TMEM67: variants seen among roughly 807,000 people sequenced by gnomAD.
TMEM67 encodes transmembrane protein 67.
A neutral mutation model predicts 136.6 loss-of-function variants in TMEM67; 124 were observed. The observed-to-expected ratio is 0.91, with a 90% CI of 0.78 to 1.05. The LOEUF is 1.05. Among genes scored for constraint, TMEM67 ranks in the 50% least tolerant of loss-of-function variants. The pLI, the probability that TMEM67 is intolerant of heterozygous loss-of-function variation, is 0.00. For synonymous variants in TMEM67, 364 were observed against 390.5 expected (o/e 0.93, Z 0.80); for missense variants, 1,107 against 1,178.4 (o/e 0.94, Z 0.89).
downstream of TMEM67, among the ~76,000 whole-genome samples, chr8:93,821,775 C>T (rs1240884329): frequency 6.6e-6 from 1 of 152,160 alleles, no homozygotes; most frequent in Non-Finnish European, 1.5e-5. Context: ...TGGCATGTGC[C>T]TGTAGTCCCA....
At chr8:93,830,676 C>T in the TMEM67 span, among the ~76,000 whole-genome samples, 2 of 152,206 alleles carry the variant, frequency 1.3e-5, no homozygotes, top group African/African-American at 2.4e-5. Flanking sequence ...GGAAAAAGCA[C>T]ACTGAGTGTT....
Position 93,809,113 on chromosome 8 carries a change from A to T in TMEM67, c.2613A>T (p.Ile871=). 1 of 1,610,536 alleles carries T rather than the reference A, an allele frequency of 6.2e-7. No individual in the cohort carries two copies. The highest frequency in any genetic ancestry group is 8.5e-7 in the Non-Finnish European group (1 of 1,177,302). Residue 871 remains isoleucine (I), a synonymous_variant, in exon 25 of 28, where the codon ATA becomes ATT. Transcript: ENST00000453321. ...SSSASTFEQS[I]KAYHMMNKFL... ...CAGCAAGTACTTTTGAGCAGAGTAT[A>T]AAAGCATATCATATGATGAATAAAT...
intron 21 of TMEM67, among the ~76,000 whole-genome samples, chr8:93,800,117 G>T (rs1814804808): frequency 6.6e-6 from 1 of 151,864 alleles, no homozygotes; most frequent in Non-Finnish European, 1.5e-5. Context: ...TACCATGTTG[G>T]TCAGGCTGGT....
intron 16 of TMEM67, 173 bp from the exon 17 acceptor site, chr8:93,795,236 G>T: frequency 1.5e-6 from 1 of 659,176 alleles, no homozygotes; most frequent in East Asian, 2.7e-5. Context: ...GGAGCCAAAA[G>T]GTAGCAAGGA....
chr8:93,826,828 T>G, the TMEM67 span, among the ~76,000 whole-genome samples: 1 of 152,128 alleles, frequency 6.6e-6, no homozygotes, highest in Non-Finnish European at 1.5e-5. Flanking sequence ...TTATGTTTAT[T>G]TATTTATTAT....
chr8:93,781,092 C>G, intron 9 of TMEM67, 110 bp downstream of exon 9: 1 of 742,878 alleles, frequency 1.3e-6, no homozygotes, highest in Non-Finnish European at 2.4e-6. Context: ...AACTCAGTTA[C>G]TAAACTAAAT....
At chr8:93,792,608 A>C (rs1469729514) in intron 15 of TMEM67, among the ~76,000 whole-genome samples, 2 of 152,082 alleles carry the variant, frequency 1.3e-5, no homozygotes, top group Admixed American at 6.5e-5. Flanking sequence ...TATAAGGAGA[A>C]ACTCCCTTTG....
In TMEM67 at chr8:93,761,399, A is replaced by C. The variant is rs201314675; in HGVS notation, c.407-2443A>C. On this transcript the variant is annotated intron_variant, in intron 3 of 27. Coordinates refer to ENST00000453321, the MANE Select transcript of TMEM67 (RefSeq NM_153704.6). ...ATGGGAAAAATTTTAAGTTGGTGCAACCTCTGTGGAAAGCAAATTTATGGT... is the reference window on the plus strand; with the variant it reads ...ATGGGAAAAATTTTAAGTTGGTGCACCCTCTGTGGAAAGCAAATTTATGGT... 5.9e-5 allele frequency among the ~76,000 whole-genome samples: 9 copies of C among 152,214 alleles called. No individual in the cohort carries two copies. In the East Asian group the frequency reaches 1.5e-3, roughly 26 times the overall value.
chr8:93,816,788 C>G lies in TMEM67; in HGVS notation c.*336C>G, dbSNP rs1291453873. 6.2e-6 allele frequency: 1 copy of G among 160,718 alleles called. No homozygotes were observed. The highest frequency in any genetic ancestry group is 1.4e-5 in the Non-Finnish European group (1 of 73,822). The allele number at this position is 160,718 out of a possible 1,614,324, so 10.0% of individuals were successfully genotyped here. On this transcript the variant is annotated 3_prime_UTR_variant, in exon 28 of 28. Coordinates refer to ENST00000453321, the MANE Select transcript of TMEM67 (RefSeq NM_153704.6). ...TTGTCTCTGTAGATTATTTTATAAACTGAGAGCTGCCTGAATCTTCTCACA... is the reference window on the plus strand; with the variant it reads ...TTGTCTCTGTAGATTATTTTATAAAGTGAGAGCTGCCTGAATCTTCTCACA...
At position 93,755,946 on chromosome 8, in the gene TMEM67, A is replaced by T. The variant is rs200070709; in HGVS notation, c.312+80A>T. The T allele has an allele frequency of 2.7e-4, 222 of 819,364 alleles. 3 individuals carry two copies. The East Asian group carries it at 6.1e-3, about 22-fold the overall frequency. The allele number at this position is 819,364 out of a possible 1,614,324, so 50.8% of individuals were successfully genotyped here. A position where few individuals can be genotyped will look rare whatever the true frequency, so the allele number is the denominator to read the frequency against. ...TCTTTATTTTTCAAAATATAATTTA[A>T]TGTTTAATGTTTCCCCACAGACTTT... On this transcript the variant is annotated intron_variant, in intron 2 of 27. Transcript: ENST00000453321.
chr8:93,817,830 G>A lies in TMEM67; in HGVS notation c.*1378G>A, dbSNP rs995416991. On this transcript the variant is annotated 3_prime_UTR_variant, in exon 28 of 28. Transcript: ENST00000453321. The stretch of plus-strand genomic sequence containing the variant: ...AGTCTTTGAAACTGCAGTTTCTGAA[G>A]GATCACAGTACAGGAATGCCTTTAT... 6.6e-6 allele frequency: 1 copy of A among 152,086 alleles called. No homozygotes were observed. Among genetic ancestry groups the A allele is most frequent in the Non-Finnish European group, 1.5e-5 (1 of 68,012 alleles). The allele number at this position is 152,086 out of a possible 1,614,324, so 9.4% of individuals were successfully genotyped here.
chr8:93,807,188 T>A (rs1317192907), intron 23 of TMEM67, among the ~76,000 whole-genome samples: 1 of 152,174 alleles, frequency 6.6e-6, no homozygotes, highest in East Asian at 1.9e-4. Flanking sequence ...GGTGGCAGGT[T>A]GAATTTATGC....
Position 93,782,421 on chromosome 8 carries a change from A to G in TMEM67, c.1092A>G (p.Leu364=). 1 of 1,613,144 alleles carries G rather than the reference A, an allele frequency of 6.2e-7. No individual in the cohort carries two copies. Among genetic ancestry groups the G allele is most frequent in the Non-Finnish European group, 8.5e-7 (1 of 1,179,596 alleles). ...LQLCPDTETR[L]NAAYSFGTTY... ...TTTGTCCAGACACAGAGACAAGGCT[A>G]AATGCTGCTTATTCATTTGGAACAA... is the stretch of plus-strand genomic sequence containing the variant. Residue 364 remains leucine, a synonymous_variant, in exon 11 of 28, where the codon CTA becomes CTG. Transcript: ENST00000453321.
intron 7 of TMEM67, among the ~76,000 whole-genome samples, chr8:93,776,038 G>A (rs1197876678): frequency 6.6e-6 from 1 of 152,136 alleles, no homozygotes; most frequent in Non-Finnish European, 1.5e-5. Context: ...TTGAGCAGTG[G>A]TTTGTAATTC....
intron 7 of TMEM67, 61 bp from the exon 8 acceptor site, chr8:93,780,532 T>A: frequency 6.2e-7 from 1 of 1,606,536 alleles, no homozygotes; most frequent in Non-Finnish European, 8.5e-7. Context: ...AATTTTTATA[T>A]CAACTTTTGC....
In TMEM67 at chr8:93,791,240, ATTTGT is replaced by A. The variant is rs1374534824; in HGVS notation, c.1519-14_1519-10del. 1 of 1,530,526 alleles carries A rather than the reference ATTTGT, an allele frequency of 6.5e-7. No homozygotes were observed. Among genetic ancestry groups the A allele is most frequent in the South Asian group, 1.1e-5 (1 of 88,298 alleles). 94.8% of individuals were successfully genotyped at this position (1,530,526 alleles called of 1,614,324 possible). ...GTATCATATAATTTCAGTATAGCTA[ATTTGT>A]TTTGTTTTAAATATCAGGTTTCTTT... On this transcript the variant is annotated intron_variant, in intron 14 of 27. Coordinates refer to ENST00000453321, the MANE Select transcript of TMEM67 (RefSeq NM_153704.6).
In TMEM67 at chr8:93,797,229, T is replaced by G. The variant is rs2130734693; in HGVS notation, c.1956T>G (p.Val652=). ...ERPKGKVLKA[V]EGEGGVRSAT... is the part of the protein sequence containing the mutation. ...CTAAAGGAAAGGTTCTTAAAGCTGT[T>G]GAAGGTAACTGAAATAAAAAATATT... Residue 652 remains valine, a synonymous_variant, in exon 19 of 28, where the codon GTT becomes GTG. Coordinates refer to ENST00000453321, the MANE Select transcript of TMEM67 (RefSeq NM_153704.6). 3 of 1,611,990 alleles carry G rather than the reference T, an allele frequency of 1.9e-6. No homozygotes were observed. The South Asian group carries it at 3.3e-5, about 18-fold the overall frequency.
At position 93,764,746 on chromosome 8, in the gene TMEM67, AT is replaced by A. The variant is rs899269936; in HGVS notation, c.507-652del. Among the ~76,000 whole-genome samples, 4 of 151,470 alleles carry A rather than the reference AT, an allele frequency of 2.6e-5. No homozygotes were observed. In the South Asian group the frequency reaches 6.3e-4, roughly 24 times the overall value. On this transcript the variant is annotated intron_variant, in intron 4 of 27. Transcript: ENST00000453321. ...CCTGAGTTATGGCATCCAAATACCAATTTTTTTTGCCCAATATTTCCCCAAG... is the reference window on the plus strand; with the variant it reads ...CCTGAGTTATGGCATCCAAATACCAATTTTTTTGCCCAATATTTCCCCAAG...
At chr8:93,756,184 G>T in intron 2 of TMEM67, 1 of 220,370 alleles carries the variant, frequency 4.5e-6, no homozygotes, top group Non-Finnish European at 8.9e-6. Context: ...AGCAGTCTGG[G>T]ATGTGTGCAA....
Sources: gnomAD v4.1 joint callset for allele counts (sites outside exome capture counted in the v4.1 genomes callset) on GRCh38, gnomAD v4.1.1 for gene constraint, MANE v1.5 for transcripts, NCBI Gene and HGNC (gene_info 2026-07-23, HGNC 2026-07-21) for gene names.